The following RAD17 variants were observed in gnomAD, a reference collection of about 807,000 sequenced individuals.
RAD17 encodes the protein RAD17 checkpoint clamp loader component.
A neutral mutation model predicts 81.5 loss-of-function variants in RAD17; 31 were observed. The ratio of observed to expected loss-of-function variants is 0.38; its 90% CI spans 0.29 to 0.51. RAD17 has a LOEUF of 0.51. Among genes scored for constraint, RAD17 ranks in the 20% least tolerant of loss-of-function variants. The pLI is 0.88. For synonymous variants in RAD17, 261 were observed against 266.2 expected, an observed-to-expected ratio of 0.98 and a Z score of 0.19; for missense variants, 681 against 781.2, an observed-to-expected ratio of 0.87 and a Z score of 1.53.
At chr5:69,394,080 C>G (rs1241654404) in intron 15 of RAD17, among the ~76,000 whole-genome samples, 3 of 138,862 alleles carry the variant, frequency 2.2e-5, no homozygotes, top group Non-Finnish European at 4.6e-5. Flanking sequence ...TTCGAGACAG[C>G]GTCTTACTTT....
At chr5:69,411,327 C>G (rs559046393) in intron 18 of RAD17, among the ~76,000 whole-genome samples, 1 of 152,098 alleles carries the variant, frequency 6.6e-6, no homozygotes, top group East Asian at 1.9e-4. Context: ...AGGAGAATCG[C>G]TTCAACCCAG....
Position 69,396,542 on chromosome 5 carries a change from A to G in RAD17, c.1568A>G (p.Lys523Arg). ...LHKPQWFLIN[K>R]KYRENCLAAK... Reference sequence around the variant, plus strand: ...AAACCTCAGTGGTTTCTAATAAATAAAAAGGTAAAAAAAAAAAAAAAAATT... The same window carrying G: ...AAACCTCAGTGGTTTCTAATAAATAGAAAGGTAAAAAAAAAAAAAAAAATT... Residue 523 changes from lysine to arginine, a missense_variant, in exon 16 of 19, where the codon AAA becomes AGA. Transcript: ENST00000354868. 1 of 1,421,438 alleles carries G rather than the reference A, an allele frequency of 7.0e-7. No homozygotes were observed. The highest frequency in any genetic ancestry group is 9.1e-7 in the Non-Finnish European group (1 of 1,098,882). The allele number at this position is 1,421,438 out of a possible 1,614,324, so 88.1% of individuals were successfully genotyped here.
At chr5:69,377,887 G>A (rs538471236) in intron 6 of RAD17, among the ~76,000 whole-genome samples, 2 of 151,690 alleles carry the variant, frequency 1.3e-5, no homozygotes, top group African/African-American at 2.4e-5. Flanking sequence ...GAACTCCTGG[G>A]CTCAAGCAGT....
chr5:69,394,823 G>A (rs1031578003), intron 15 of RAD17, among the ~76,000 whole-genome samples: 3 of 152,188 alleles, frequency 2.0e-5, no homozygotes, highest in African/African-American at 7.2e-5. Flanking sequence ...CACTTAAGGA[G>A]GCCGAGGCAG....
At chr5:69,385,012 T>C in intron 8 of RAD17, 79 bp downstream of exon 8, 3 of 1,248,114 alleles carry the variant, frequency 2.4e-6, no homozygotes, top group South Asian at 3.1e-5. Context: ...CAGGCTGGAG[T>C]GCAGTGGCGC....
chr5:69,393,613 A>G (rs962122805), intron 15 of RAD17, 113 bp downstream of exon 15: 9 of 999,906 alleles, frequency 9.0e-6, no homozygotes, highest in South Asian at 3.3e-5. Context: ...ACTTTTCTTC[A>G]TAACTATGCT....
upstream of RAD17, chr5:69,369,700 G>T: frequency 6.4e-7 from 1 of 1,552,442 alleles, no homozygotes; most frequent in Non-Finnish European, 8.7e-7. Context: ...TGGAGGGTGG[G>T]CATAACTCGG....
chr5:69,386,461 AC>A lies in RAD17; in HGVS notation c.891del (p.Asn297LysfsTer15). ...FLNRIVTIEA[N>X]KNGGKITVPD... Reference sequence around the variant, plus strand: ...AATCGAATAGTGACTATAGAAGCTAACAAGGTAAGTCTCTGATTAATTAAAC... The same window carrying A: ...AATCGAATAGTGACTATAGAAGCTAAAAGGTAAGTCTCTGATTAATTAAAC... On this transcript the variant is annotated frameshift_variant, in exon 11 of 19. Coordinates refer to ENST00000354868, the MANE Select transcript of RAD17 (RefSeq NM_133338.3). LOFTEE classifies it high-confidence loss of function. 6.3e-7 allele frequency: 1 copy of A among 1,591,484 alleles called. No individual in the cohort carries two copies. Among genetic ancestry groups the A allele is most frequent in the Non-Finnish European group, 8.5e-7 (1 of 1,171,702 alleles).
chr5:69,400,626 G>GT (rs34576402), intron 17 of RAD17, among the ~76,000 whole-genome samples: 127,432 of 149,606 alleles, frequency 0.85, 55,451 homozygotes, highest in Non-Finnish European at 0.95. Context: ...GATCCTTTAT[G>GT]TTTTTTTTTT....
At chr5:69,392,847 T>C (rs1416662778) in intron 13 of RAD17, 3 of 465,048 alleles carry the variant, frequency 6.5e-6, no homozygotes, top group African/African-American at 2.0e-5. Context: ...GACCACTGTA[T>C]TGAGATGAGA....
rs774922654 is a variant in RAD17, at chr5:69,374,696, AAGG to A, written c.337_339del (p.Arg113del). 1 of 1,610,070 alleles carries A rather than the reference AAGG, an allele frequency of 6.2e-7. No homozygotes were observed. The highest frequency in any genetic ancestry group is 1.1e-5 in the South Asian group (1 of 90,162). The stretch of plus-strand genomic sequence containing the variant: ...CCTGGTTAAAAGCTCAAGTTTTAGA[AAGG>A]CAACCAAAACAGGTAACTAAGAAAT... On this transcript the variant is annotated inframe_deletion, in exon 6 of 19. Coordinates refer to ENST00000354868, the MANE Select transcript of RAD17 (RefSeq NM_133338.3).
At chr5:69,372,804 T>TTTGTAGAG (rs1252348240) in intron 4 of RAD17, among the ~76,000 whole-genome samples, 4 of 151,758 alleles carry the variant, frequency 2.6e-5, no homozygotes, top group Non-Finnish European at 4.4e-5. Context: ...AGAGTTGGGG[T>TTTGTAGAG]CTCCCTATGT....
chr5:69,391,759 T>C (rs1401729664), intron 12 of RAD17, 72 bp from the exon 13 acceptor site: 3 of 1,147,762 alleles, frequency 2.6e-6, no homozygotes, highest in African/African-American at 1.6e-5. Context: ...AGTGTAACTA[T>C]ATCTGAAGTG....
intron 6 of RAD17, 118 bp from the exon 7 acceptor site, chr5:69,381,783 A>G (rs1053261825): frequency 6.8e-6 from 5 of 731,180 alleles, no homozygotes; most frequent in Non-Finnish European, 8.7e-6. Context: ...TAATGTGCTT[A>G]TATGAGACAT....
At position 69,400,807 on chromosome 5, in the gene RAD17, G is replaced by A. The variant is rs1462720589; in HGVS notation, c.1693+638G>A. Among the ~76,000 whole-genome samples the A allele has an allele frequency of 5.3e-5, 8 of 151,936 alleles. No individual in the cohort carries two copies. In the South Asian group the frequency reaches 8.3e-4, roughly 16 times the overall value. The stretch of plus-strand genomic sequence containing the variant: ...AAATTAGCCAGGTGTGGTGGCATGC[G>A]CTTGTAATCCCAGCTACTCGGGAGG... On this transcript the variant is annotated intron_variant, in intron 17 of 18. Transcript: ENST00000354868.
chr5:69,383,579 C>T (rs748322366), intron 7 of RAD17, among the ~76,000 whole-genome samples: 6 of 151,866 alleles, frequency 4.0e-5, no homozygotes, highest in Non-Finnish European at 7.4e-5. Context: ...GGGGTTTCAC[C>T]ACGTTGGTCA....
chr5:69,401,843 A>G (rs1273748017), intron 17 of RAD17, among the ~76,000 whole-genome samples: 2 of 104,934 alleles, frequency 1.9e-5, no homozygotes, highest in South Asian at 6.9e-4. Flanking sequence ...AAAAAAACCC[A>G]CAAAAAACAA....
At chr5:69,369,330 G>A, upstream of RAD17, 2 of 893,306 alleles carry the variant, frequency 2.2e-6, no homozygotes, top group African/African-American at 1.8e-5. Context: ...CCGGGGCGCT[G>A]ACAACCGCCT....
At chr5:69,394,941 A>G (rs1764793103) in intron 15 of RAD17, among the ~76,000 whole-genome samples, 1 of 152,086 alleles carries the variant, frequency 6.6e-6, no homozygotes, top group Non-Finnish European at 1.5e-5. Flanking sequence ...GGTCCCAGCT[A>G]CTCAGGAGGC....
Sources: allele counts gnomAD v4.1 joint callset (sites outside exome capture counted in the v4.1 genomes callset), GRCh38; gene constraint gnomAD v4.1.1; transcripts MANE v1.5; gene names NCBI Gene and HGNC (gene_info 2026-07-23, HGNC 2026-07-21).